The following KALRN variants were observed in gnomAD, a reference collection of about 807,000 sequenced individuals.
The protein encoded by KALRN is kalirin.
In KALRN, 70 loss-of-function variants were observed where a neutral mutation model predicts 353.7. That is an observed-to-expected ratio of 0.20 (90% CI 0.16 to 0.24). KALRN has a LOEUF of 0.24. KALRN is among the 10% of genes least tolerant of loss of function. The probability of loss-of-function intolerance (pLI) is 1.00; values close to 1 mark genes in which losing one functional copy is unlikely to be tolerated. For synonymous variants in KALRN, 1,391 were observed against 1,434.8 expected, an observed-to-expected ratio of 0.97 and a Z score of 0.69; for missense variants, 2,791 against 3,756.7, an observed-to-expected ratio of 0.74 and a Z score of 6.72.
chr3:124,440,664 A>G (rs2093637951), intron 18 of KALRN, among the ~76,000 whole-genome samples: 1 of 151,592 alleles, frequency 6.6e-6, no homozygotes, highest in African/African-American at 2.4e-5. Flanking sequence ...GAGGGAAAGT[A>G]TAAGATTCTA....
chr3:124,437,540 AT>A (rs1264908721), intron 17 of KALRN, among the ~76,000 whole-genome samples: 1 of 152,008 alleles, frequency 6.6e-6, no homozygotes, highest in East Asian at 1.9e-4. Context: ...AAATACAAAA[AT>A]TAGCTGGATG....
chr3:124,115,373 G>A (rs2063358587), intron 1 of KALRN, among the ~76,000 whole-genome samples: 1 of 152,188 alleles, frequency 6.6e-6, no homozygotes, highest in Non-Finnish European at 1.5e-5. Flanking sequence ...TCACTTAGCA[G>A]CACTGGTGTT....
chr3:124,546,027 AAC>A (rs907377388), intron 33 of KALRN, among the ~76,000 whole-genome samples: 2 of 152,162 alleles, frequency 1.3e-5, no homozygotes, highest in African/African-American at 4.8e-5. Flanking sequence ...GCAACTAGAA[AAC>A]CTGGAGAGTA....
intron 33 of KALRN, among the ~76,000 whole-genome samples, chr3:124,516,465 T>C (rs540436481): frequency 3.0e-4 from 46 of 152,290 alleles, no homozygotes; most frequent in African/African-American, 1.1e-3. Context: ...AGACATGTGG[T>C]AAGCACTCAA....
intron 1 of KALRN, among the ~76,000 whole-genome samples, chr3:124,198,090 T>C (rs775660512): frequency 8.5e-5 from 13 of 152,238 alleles, no homozygotes; most frequent in Non-Finnish European, 1.2e-4. Context: ...CTTCTCTTTT[T>C]AGCTAGATTT....
In KALRN at chr3:124,159,810, C is replaced by G. The variant is rs141499829; in HGVS notation, c.74-68180C>G. ...GAACTCTCTCTGGACAATTTAGCAT[C>G]ATTTCCTTCTTAATCCGGTGTTCAT... On this transcript the variant is annotated intron_variant, in intron 1 of 59. Transcript: ENST00000682506. Among the ~76,000 whole-genome samples the G allele has an allele frequency of 1.7e-4, 26 of 151,934 alleles. 1 individual carries two copies. The highest frequency in any genetic ancestry group is 6.3e-4 in the African/African-American group (26 of 41,342).
At chr3:124,470,562 C>T (rs12636922) in intron 25 of KALRN, among the ~76,000 whole-genome samples, 22,477 of 152,114 alleles carry the variant, frequency 0.15, 2,470 homozygotes, top group East Asian at 0.5. Flanking sequence ...TAGCTTTCTC[C>T]CCCTAAATTA....
chr3:124,670,817 C>T (rs545290704), intron 47 of KALRN, among the ~76,000 whole-genome samples: 2 of 152,282 alleles, frequency 1.3e-5, no homozygotes, highest in East Asian at 1.9e-4. Context: ...CTCAATAAAA[C>T]AAAGCTCCAG....
In KALRN at chr3:124,278,458, G is replaced by GGTGTGTGTGTGTGTGTGTGT. The variant is rs55855993; in HGVS notation, c.969+9215_969+9234dup. Among the ~76,000 whole-genome samples, 10 of 145,502 alleles carry GGTGTGTGTGTGTGTGTGTGT rather than the reference G, an allele frequency of 6.9e-5. No individual in the cohort carries two copies. The East Asian group carries it at 1.1e-3, about 15-fold the overall frequency. On this transcript the variant is annotated intron_variant, in intron 5 of 59. Coordinates refer to ENST00000682506, the MANE Select transcript of KALRN (RefSeq NM_001388419.1). ...TGTTTGAAGAATGAAGGACACTTCA[G>GGTGTGTGTGTGTGTGTGTGT]GTGTGTGTGTGTGTGTGTGTGTGTG...
At chr3:124,426,195 G>T (rs1210236328) in intron 15 of KALRN, among the ~76,000 whole-genome samples, 1 of 152,166 alleles carries the variant, frequency 6.6e-6, no homozygotes, top group Non-Finnish European at 1.5e-5. Flanking sequence ...TTCAGAGAAG[G>T]CATTTGTGTT....
chr3:124,365,257 AC>A (rs1328848500), intron 10 of KALRN, among the ~76,000 whole-genome samples: 2 of 152,044 alleles, frequency 1.3e-5, no homozygotes, highest in Non-Finnish European at 2.9e-5. Flanking sequence ...AACATAATTC[AC>A]CCCTTTAAAA....
intron 3 of KALRN, among the ~76,000 whole-genome samples, chr3:124,263,830 C>A (rs1233549481): frequency 5.3e-5 from 8 of 152,136 alleles, no homozygotes; most frequent in Admixed American, 5.2e-4. Context: ...CAAGGACTTT[C>A]CATCTCAGGT....
At chr3:124,320,522 G>A (rs921196745) in intron 6 of KALRN, among the ~76,000 whole-genome samples, 1 of 152,176 alleles carries the variant, frequency 6.6e-6, no homozygotes, top group Non-Finnish European at 1.5e-5. Context: ...GCATGGGGAG[G>A]AGGCTTCTCT....
intron 45 of KALRN, among the ~76,000 whole-genome samples, 181 bp from the exon 46 acceptor site, chr3:124,666,268 T>A (rs909456731): frequency 1.1e-4 from 16 of 152,160 alleles, no homozygotes; most frequent in Admixed American, 6.5e-4. Context: ...AACAGGAAAG[T>A]GGCCAAGGTC....
At chr3:124,034,713 C>T (rs1159614688) in intron 1 of KALRN, among the ~76,000 whole-genome samples, 2 of 152,068 alleles carry the variant, frequency 1.3e-5, no homozygotes, top group South Asian at 4.1e-4. Flanking sequence ...AGGGATTCCC[C>T]GTCTCCCTGT....
intron 2 of KALRN, among the ~76,000 whole-genome samples, chr3:124,230,867 A>AT: frequency 8.3e-6 from 1 of 121,124 alleles, no homozygotes; most frequent in East Asian, 2.3e-4. Flanking sequence ...CAAAAAAAAA[A>AT]AAAACAAAAA....
At chr3:124,291,674 C>A (rs577171403) in intron 5 of KALRN, among the ~76,000 whole-genome samples, 2 of 152,276 alleles carry the variant, frequency 1.3e-5, no homozygotes, top group African/African-American at 4.8e-5. Context: ...AGCATGTTTA[C>A]AGATCAGAGA....
chr3:124,623,529 G>A (rs1013485353), intron 34 of KALRN, among the ~76,000 whole-genome samples: 4 of 152,022 alleles, frequency 2.6e-5, no homozygotes, highest in Admixed American at 6.6e-5. Flanking sequence ...ACTGAAGAAC[G>A]TGGAGTCCAA....
At chr3:124,701,935 C>A (rs1559869679) in intron 56 of KALRN, 103 bp from the exon 57 acceptor site, 1 of 803,674 alleles carries the variant, frequency 1.2e-6, no homozygotes, top group South Asian at 1.5e-5. Flanking sequence ...CATATTTGGT[C>A]ATGAGAATTG....
Sources: allele counts gnomAD v4.1 joint callset (sites outside exome capture counted in the v4.1 genomes callset), GRCh38; gene constraint gnomAD v4.1.1; transcripts MANE v1.5; gene names NCBI Gene and HGNC (gene_info 2026-07-23, HGNC 2026-07-21).